RAB3IL1: variants seen among roughly 807,000 people sequenced by gnomAD.
RAB3IL1 encodes the protein guanine nucleotide exchange factor for Rab-3A.
In RAB3IL1, 37 loss-of-function variants were observed where a neutral mutation model predicts 49.2. The ratio of observed to expected loss-of-function variants is 0.75; its 90% CI spans 0.58 to 0.99. RAB3IL1 has a LOEUF of 0.99. Among genes scored for constraint, RAB3IL1 ranks in the 50% least tolerant of loss-of-function variants. The pLI is 0.00. For missense variants in RAB3IL1, 484 were observed against 513.0 expected (o/e 0.94, Z 0.55); for synonymous variants, 193 against 213.9 (o/e 0.90, Z 0.85).
chr11:61,906,774 C>A lies in RAB3IL1; in HGVS notation c.439-90G>T, dbSNP rs936270529. 1.6e-6 allele frequency: 2 copies of A among 1,242,806 alleles called. No homozygotes were observed. Among genetic ancestry groups the A allele is most frequent in the African/African-American group, 1.5e-5 (1 of 67,674 alleles). The allele number at this position is 1,242,806 out of a possible 1,614,324, so 77.0% of individuals were successfully genotyped here. ...TATCAGCCTAACTCAGGACAATGCA[C>A]CCCTGCAGTGACAGGCACTTAGTCC... On this transcript the variant is annotated intron_variant, in intron 4 of 9. Transcript: ENST00000394836. The surrounding 1 kb of genome is among the most constrained non-coding windows in gnomAD (Gnocchi z 4.6).
chr11:61,919,816 C>T (rs980941622), upstream of RAB3IL1, among the ~76,000 whole-genome samples: 5 of 152,240 alleles, frequency 3.3e-5, 1 homozygote, highest in Admixed American at 3.3e-4. Flanking sequence ...CTGGACAACC[C>T]AGGCCCTGAT....
the RAB3IL1 span, among the ~76,000 whole-genome samples, chr11:61,935,366 G>T: frequency 6.6e-6 from 1 of 150,728 alleles, no homozygotes; most frequent in South Asian, 2.1e-4. Context: ...GTTGCAGTGA[G>T]CTGAGATTGA....
Position 61,902,454 on chromosome 11 carries a change from A to G in RAB3IL1, c.987T>C (p.Ser329=), listed in dbSNP as rs892977024. ...DSKSHYYISP[S]SRARITAVCN... is the part of the protein sequence containing the mutation. ...AAGGCTGACTCACCCTGGCCCGGGA[A>G]GATGGCGAGATGTAGTAATGGCTTT... The change falls in exon 8 of 10, where the codon TCT becomes TCC. Residue 329 remains serine, a synonymous_variant. Transcript: ENST00000394836. 25 of 1,594,322 alleles carry G rather than the reference A, an allele frequency of 1.6e-5. No homozygotes were observed. The highest frequency in any genetic ancestry group is 7.2e-5 in the Admixed American group (4 of 55,390).
chr11:61,915,823 G>C (rs1939656064), intron 1 of RAB3IL1, among the ~76,000 whole-genome samples: 1 of 151,718 alleles, frequency 6.6e-6, no homozygotes, highest in South Asian at 2.1e-4. Flanking sequence ...GGATCACAAG[G>C]TCAGGAGATC....
chr11:61,910,400 G>A (rs1001041772), intron 1 of RAB3IL1, among the ~76,000 whole-genome samples: 4 of 152,250 alleles, frequency 2.6e-5, no homozygotes, highest in African/African-American at 7.2e-5. Flanking sequence ...GGCCTGGGCA[G>A]GGGGAGCTGT....
At chr11:61,914,344 G>A (rs1476664372) in intron 1 of RAB3IL1, among the ~76,000 whole-genome samples, 1 of 152,232 alleles carries the variant, frequency 6.6e-6, no homozygotes, top group Admixed American at 6.5e-5. Flanking sequence ...TCTAGCCATA[G>A]GTATGATGAG....
chr11:61,944,074 C>T, the RAB3IL1 span, among the ~76,000 whole-genome samples: 252 of 152,100 alleles, frequency 1.7e-3, 1 homozygote, highest in Middle Eastern at 3.4e-3. Context: ...CTCCCCTCCC[C>T]TCCCTTCCTC....
chr11:61,899,442 C>T, intron 8 of RAB3IL1, 62 bp from the exon 9 acceptor site: 3 of 1,520,644 alleles, frequency 2.0e-6, no homozygotes, highest in Middle Eastern at 1.7e-4. Context: ...CCCTGACAGG[C>T]GGATCTGAGT....
chr11:61,902,584 G>T, intron 7 of RAB3IL1, 43 bp from the exon 8 acceptor site: 1 of 1,521,578 alleles, frequency 6.6e-7, no homozygotes, highest in Non-Finnish European at 8.9e-7. Flanking sequence ...GCTGGGGCTT[G>T]CCCCTCTCCC....
chr11:61,933,225 G>A, the RAB3IL1 span, among the ~76,000 whole-genome samples: 1 of 152,184 alleles, frequency 6.6e-6, no homozygotes, highest in African/African-American at 2.4e-5. Flanking sequence ...ATTAAGTTAA[G>A]GACCGTGAGA....
rs1290146979 is a variant in RAB3IL1, at chr11:61,914,808, C to T, written c.11+2549G>A. On this transcript the variant is annotated intron_variant, in intron 1 of 9. Coordinates refer to ENST00000394836, the MANE Select transcript of RAB3IL1 (RefSeq NM_013401.4). ...CAGGTGAGGAAACGAAGCCCAGAAA[C>T]ATCACTGGCCCCGCTGGGGTCACCA... Among the ~76,000 whole-genome samples, 3 of 152,184 alleles carry T rather than the reference C, an allele frequency of 2.0e-5. No individual in the cohort carries two copies. In the East Asian group the frequency reaches 5.8e-4, roughly 29 times the overall value.
At chr11:61,915,116 G>T (rs930205300) in intron 1 of RAB3IL1, among the ~76,000 whole-genome samples, 4 of 152,160 alleles carry the variant, frequency 2.6e-5, no homozygotes, top group African/African-American at 9.7e-5. Flanking sequence ...CCTTCCGCCA[G>T]CTTCTCACTG....
intron 5 of RAB3IL1, 60 bp from the exon 6 acceptor site, chr11:61,904,942 T>A: frequency 7.5e-7 from 1 of 1,333,206 alleles, no homozygotes; most frequent in South Asian, 1.4e-5. Flanking sequence ...GCATAGAAGA[T>A]GCAGGCTGAG....
At position 61,898,298 on chromosome 11, in the gene RAB3IL1, A is replaced by C. The variant is rs1938715088; in HGVS notation, c.1129T>G (p.Phe377Val). Residue 377 changes from phenylalanine (F) to valine (V), a missense_variant, in exon 10 of 10, where the codon TTC (phenylalanine) becomes GTC (valine). Transcript: ENST00000394836. This position sits in a 1 kb window ranked among gnomAD's most constrained non-coding sequence, Gnocchi z 5.1. ...RKEMSLAKLG[F>V]FPQEA ...GCGCCCTAAGCCTCCTGGGGGAAGA[A>C]GCCGAGCTTGGCCAGTGACATCTCC... 6.2e-7 allele frequency: 1 copy of C among 1,613,420 alleles called. No homozygotes were observed.
chr11:61,917,706 AG>A, upstream of RAB3IL1: 2 of 364,100 alleles, frequency 5.5e-6, no homozygotes, highest in Non-Finnish European at 7.6e-6. Context: ...CGGCGCTCGG[AG>A]GGAACCCGGC....
chr11:61,898,374 G>C lies in RAB3IL1; in HGVS notation c.1067-14C>G. ...ACATGGGCTCTGCTGCAGGCAGAGA[G>C]AGGGTGAACAGGTCGGGGACAGCTC... On this transcript the variant is annotated splice_polypyrimidine_tract_variant and intron_variant, in intron 9 of 9. Transcript: ENST00000394836. The surrounding 1 kb of genome is among the most constrained non-coding windows in gnomAD (Gnocchi z 5.1). 2 of 1,611,612 alleles carry C rather than the reference G, an allele frequency of 1.2e-6. No homozygotes were observed. Among genetic ancestry groups the C allele is most frequent in the Non-Finnish European group, 1.7e-6 (2 of 1,178,596 alleles).
intron 1 of RAB3IL1, among the ~76,000 whole-genome samples, chr11:61,914,820 C>T (rs1023714229): frequency 3.9e-5 from 6 of 152,164 alleles, no homozygotes; most frequent in Admixed American, 2.6e-4. Flanking sequence ...TCACTGGCCC[C>T]GCTGGGGTCA....
At chr11:61,916,843 G>A (rs1450506068) in intron 1 of RAB3IL1, among the ~76,000 whole-genome samples, 3 of 150,936 alleles carry the variant, frequency 2.0e-5, no homozygotes, top group African/African-American at 2.4e-5. Flanking sequence ...GGGCCGGGGC[G>A]GGGGGGGTTC....
upstream of RAB3IL1, among the ~76,000 whole-genome samples, chr11:61,921,708 G>C (rs571583656): frequency 1.3e-5 from 2 of 152,314 alleles, no homozygotes; most frequent in South Asian, 4.1e-4. Context: ...CTGGTACACA[G>C]ACTCCATCCA....
Sources: allele counts gnomAD v4.1 joint callset (sites outside exome capture counted in the v4.1 genomes callset), GRCh38; gene constraint gnomAD v4.1.1; non-coding constraint Gnocchi (gnomAD v3.1); transcripts MANE v1.5; gene names NCBI Gene and HGNC (gene_info 2026-07-23, HGNC 2026-07-21).